Variants in SNX31 observed in about 807,000 individuals in gnomAD.
SNX31 encodes sorting nexin 31.
SNX31 carries 58 observed loss-of-function variants against 65.4 expected under a neutral mutation model. The ratio of observed to expected loss-of-function variants is 0.89; its 90% confidence interval spans 0.72 to 1.10. SNX31 has a LOEUF of 1.10. Ranked by LOEUF, SNX31 falls within the 50% of genes least tolerant of loss-of-function variation. The probability of loss-of-function intolerance (pLI) is 0.00; values close to 1 mark genes in which losing one functional copy is unlikely to be tolerated. For synonymous variants in SNX31, 181 were observed against 190.1 expected (o/e 0.95, Z 0.39); for missense variants, 523 against 529.7 (o/e 0.99, Z 0.12).
At position 100,612,172 on chromosome 8, in the gene SNX31, C is replaced by A. The variant is rs368967240; in HGVS notation, c.524-85G>T. 2.5e-6 allele frequency: 2 copies of A among 796,064 alleles called. No individual in the cohort carries two copies. Among genetic ancestry groups the A allele is most frequent in the African/African-American group, 1.7e-5 (1 of 57,700 alleles). The allele number at this position is 796,064 out of a possible 1,614,324, so 49.3% of individuals were successfully genotyped here. On this transcript the variant is annotated intron_variant, in intron 6 of 13. Transcript: ENST00000311812. This position sits in a 1 kb window ranked among gnomAD's most constrained non-coding sequence, Gnocchi z 4.3. ...CAGCTTTCAAATGAGAAAATAAAAC[C>A]TTATTATTGGAAATAATAAAATCAC...
rs1816923568 is a variant in SNX31 at position 100,613,753 on chromosome 8, AG to A, written c.433-669del. On this transcript the variant is annotated intron_variant, in intron 5 of 13. Transcript: ENST00000311812. The surrounding 1 kb of genome is among the most constrained non-coding windows in gnomAD (Gnocchi z 5.2). ...GCTTCATTTTTACCATCAGCCTACC[AG>A]GGTGTCACCTCACAGCATTGGACAT... 1.3e-5 allele frequency among the ~76,000 whole-genome samples: 2 copies of A among 152,280 alleles called. No individual in the cohort carries two copies. The highest frequency in any genetic ancestry group is 4.8e-5 in the African/African-American group (2 of 41,550).
intron 1 of SNX31, among the ~76,000 whole-genome samples, chr8:100,656,271 A>G (rs1035673982): frequency 1.3e-5 from 2 of 152,156 alleles, no homozygotes; most frequent in Non-Finnish European, 2.9e-5. Flanking sequence ...TTCCAAGTGT[A>G]CTTTCCTTCC....
chr8:100,640,002 G>A (rs1331928327), intron 2 of SNX31, among the ~76,000 whole-genome samples: 2 of 152,216 alleles, frequency 1.3e-5, no homozygotes, highest in African/African-American at 2.4e-5. Context: ...GACCAACCAA[G>A]TAGTAGTGAA....
At position 100,573,904 on chromosome 8, in the gene SNX31, A is replaced by G. The variant is rs1812813660; in HGVS notation, c.1284T>C (p.Asp428=). Residue 428 remains aspartate (D), a synonymous_variant, in exon 14 of 14, where the codon GAT becomes GAC. Transcript: ENST00000311812. ...SRKSKIKIAK[D]DCVFGNIKEE... ...CCTTTATGTTCCCAAAAACGCAGTC[A>G]TCTTTAGCTATCTTAATCTTGCTTT... 1 of 1,588,230 alleles carries G rather than the reference A, an allele frequency of 6.3e-7. No homozygotes were observed. The highest frequency in any genetic ancestry group is 1.4e-5 in the African/African-American group (1 of 73,604).
At chr8:100,615,188 C>G (rs1817062932) in intron 5 of SNX31, among the ~76,000 whole-genome samples, 2 of 152,162 alleles carry the variant, frequency 1.3e-5, no homozygotes, top group Admixed American at 6.5e-5. Context: ...GAATTTCTCA[C>G]AAGCCAACAT....
At chr8:100,631,499 G>A (rs111278317) in intron 3 of SNX31, among the ~76,000 whole-genome samples, 46 of 148,246 alleles carry the variant, frequency 3.1e-4, no homozygotes, top group African/African-American at 1.1e-3. Context: ...GTGCAATGGC[G>A]TGATTTCACC....
intron 10 of SNX31, among the ~76,000 whole-genome samples, chr8:100,593,640 G>C (rs1483180832): frequency 6.6e-6 from 1 of 151,946 alleles, no homozygotes; most frequent in Admixed American, 6.6e-5. Context: ...TTTTAGTAGA[G>C]ACAGAGTTTC....
chr8:100,627,835 G>A (rs1361040045), intron 4 of SNX31, among the ~76,000 whole-genome samples: 1 of 151,910 alleles, frequency 6.6e-6, no homozygotes, highest in Non-Finnish European at 1.5e-5. Flanking sequence ...CAGCACCCGG[G>A]CATTAAAAAG....
rs1586865620 is a variant in SNX31 at position 100,588,747 on chromosome 8, T to C, written c.1092+119A>G. 1.7e-6 allele frequency: 1 copy of C among 590,508 alleles called. No homozygotes were observed. Among genetic ancestry groups the C allele is most frequent in the East Asian group, 2.9e-5 (1 of 34,542 alleles). 36.6% of individuals were successfully genotyped at this position (590,508 alleles called of 1,614,324 possible). A position where few individuals can be genotyped will look rare whatever the true frequency, so the allele number is the denominator to read the frequency against. ...AAGGTATTACGGTCCCGAACGAGAGTGCATAGAACACTTTAGGGTCCTGCT... is the reference window on the plus strand; with the variant it reads ...AAGGTATTACGGTCCCGAACGAGAGCGCATAGAACACTTTAGGGTCCTGCT... On this transcript the variant is annotated intron_variant, in intron 11 of 13. Coordinates refer to ENST00000311812, the MANE Select transcript of SNX31 (RefSeq NM_152628.4). The surrounding 1 kb of genome is among the most constrained non-coding windows in gnomAD (Gnocchi z 4.8).
intron 10 of SNX31, among the ~76,000 whole-genome samples, chr8:100,591,336 C>T (rs973406613): frequency 3.3e-5 from 5 of 152,056 alleles, no homozygotes; most frequent in African/African-American, 9.7e-5. Context: ...AAAGATTACT[C>T]TGCAACTTCA....
rs1466496842 is a variant in SNX31, at chr8:100,625,258, C to A, written c.321+5069G>T. The stretch of plus-strand genomic sequence containing the variant: ...ATGTTTTAAAATACGTGCTTTGTTG[C>A]TATTCTGCTCTGAGGCAGAGGAACA... On this transcript the variant is annotated intron_variant, in intron 4 of 13. Transcript: ENST00000311812. The surrounding 1 kb of genome is among the most constrained non-coding windows in gnomAD (Gnocchi z 4.2). Among the ~76,000 whole-genome samples the A allele has an allele frequency of 6.7e-6, 1 of 149,746 alleles. No individual in the cohort carries two copies. Among genetic ancestry groups the A allele is most frequent in the Non-Finnish European group, 1.5e-5 (1 of 67,572 alleles).
chr8:100,649,616 C>T lies in SNX31; in HGVS notation c.-102G>A. 1 of 1,217,206 alleles carries T rather than the reference C, an allele frequency of 8.2e-7. No individual in the cohort carries two copies. Among genetic ancestry groups the T allele is most frequent in the Non-Finnish European group, 1.2e-6 (1 of 865,786 alleles). The allele number at this position is 1,217,206 out of a possible 1,614,324, so 75.4% of individuals were successfully genotyped here. On this transcript the variant is annotated 5_prime_UTR_variant, in exon 1 of 14. The change creates a new upstream start codon in the 5' untranslated region. Coordinates refer to ENST00000311812, the MANE Select transcript of SNX31 (RefSeq NM_152628.4). ...GCGGTGGACGCAGCGCGGCCTGCCA[C>T]GCGACTCAGAGCGAACCCCGGCGCC...
chr8:100,583,616 GA>G (rs1324441447), intron 12 of SNX31, among the ~76,000 whole-genome samples: 1 of 151,578 alleles, frequency 6.6e-6, no homozygotes, highest in Non-Finnish European at 1.5e-5. Context: ...TTATATTGAG[GA>G]AAAAAAATAG....
chr8:100,661,798 G>A (rs944447133), intron 1 of SNX31, among the ~76,000 whole-genome samples: 2 of 151,984 alleles, frequency 1.3e-5, no homozygotes, highest in Non-Finnish European at 2.9e-5. Context: ...CCAAAGTGCT[G>A]GGATTACAGG....
intron 2 of SNX31, among the ~76,000 whole-genome samples, chr8:100,647,691 G>A (rs1819731120): frequency 6.6e-6 from 1 of 152,168 alleles, no homozygotes; most frequent in Non-Finnish European, 1.5e-5. Context: ...CAGAGGAGAG[G>A]TGAGGTGATC....
chr8:100,639,102 A>T (rs1818977206), intron 2 of SNX31, among the ~76,000 whole-genome samples: 1 of 152,224 alleles, frequency 6.6e-6, no homozygotes, highest in South Asian at 2.1e-4. Context: ...CAATAAAACT[A>T]GTCTATGTGA....
chr8:100,633,273 T>C (rs2131198658), intron 3 of SNX31, among the ~76,000 whole-genome samples: 1 of 152,308 alleles, frequency 6.6e-6, no homozygotes, highest in East Asian at 1.9e-4. Flanking sequence ...TAGATTATTG[T>C]ATCAATGTTG....
chr8:100,635,022 G>T (rs1243347425), intron 3 of SNX31, among the ~76,000 whole-genome samples: 1 of 151,966 alleles, frequency 6.6e-6, no homozygotes, highest in Non-Finnish European at 1.5e-5. Flanking sequence ...CCACGATTGT[G>T]CCACTGTACT....
At position 100,588,057 on chromosome 8, in the gene SNX31, G is replaced by A. The variant is rs535232425; in HGVS notation, c.1092+809C>T. Among the ~76,000 whole-genome samples, 1 of 152,096 alleles carries A rather than the reference G, an allele frequency of 6.6e-6. No homozygotes were observed. The highest frequency in any genetic ancestry group is 2.4e-5 in the African/African-American group (1 of 41,496). On this transcript the variant is annotated intron_variant, in intron 11 of 13. Coordinates refer to ENST00000311812, the MANE Select transcript of SNX31 (RefSeq NM_152628.4). The surrounding 1 kb of genome is among the most constrained non-coding windows in gnomAD (Gnocchi z 4.8). ...AATTCTGAGGCAATTGTAACACAAT[G>A]ATAAGTATGTGTATCACCTAAACAT...
Sources: allele counts gnomAD v4.1 joint callset (sites outside exome capture counted in the v4.1 genomes callset), GRCh38; gene constraint gnomAD v4.1.1; non-coding constraint Gnocchi (gnomAD v3.1); transcripts MANE v1.5; gene names NCBI Gene and HGNC (gene_info 2026-07-23, HGNC 2026-07-21).